The following PDZD2 variants were observed in gnomAD, a reference collection of about 807,000 sequenced individuals.
PDZD2 encodes the protein PDZ domain-containing protein 2.
Under a neutral mutation model 220.7 loss-of-function variants are expected in PDZD2, and 90 were observed. The ratio of observed to expected loss-of-function variants is 0.41; its 90% CI spans 0.34 to 0.49. PDZD2 has a LOEUF of 0.49. Among genes scored for constraint, PDZD2 ranks in the 20% least tolerant of loss-of-function variants. PDZD2 has a pLI of 0.28. For synonymous variants in PDZD2, 1,375 were observed against 1,450.5 expected, an observed-to-expected ratio of 0.95 and a Z score of 1.18; for missense variants, 3,174 against 3,608.5, an observed-to-expected ratio of 0.88 and a Z score of 3.08.
At position 32,000,497 on chromosome 5, in the gene PDZD2, T is replaced by A. The variant is rs149983361; in HGVS notation, c.1254+226T>A. On this transcript the variant is annotated intron_variant, in intron 5 of 24. Coordinates refer to ENST00000438447, the MANE Select transcript of PDZD2 (RefSeq NM_178140.4). This position sits in a 1 kb window ranked among gnomAD's most constrained non-coding sequence, Gnocchi z 4.5. The stretch of plus-strand genomic sequence containing the variant: ...TTAAGAAGTTTGTTTTTGTTTTTGT[T>A]TTTGTTTTTGTTTTTGTTTTTGTTT... Among the ~76,000 whole-genome samples the A allele has an allele frequency of 8.9e-6, 1 of 112,208 alleles. No individual in the cohort carries two copies. 73.6% of individuals were successfully genotyped at this position (112,208 alleles called of 152,430 possible).
chr5:31,716,556 A>G (rs1296426710), intron 1 of PDZD2, among the ~76,000 whole-genome samples: 1 of 152,186 alleles, frequency 6.6e-6, no homozygotes, highest in African/African-American at 2.4e-5. Flanking sequence ...TAATGCCAGC[A>G]CTTTGGGAGG....
chr5:32,074,336 A>G lies in PDZD2; in HGVS notation c.3230A>G (p.Glu1077Gly), dbSNP rs1218511660. Residue 1077 changes from glutamate (E) to glycine (G), a missense_variant, in exon 18 of 25, where the codon GAA (glutamate) becomes GGA (glycine). Physicochemically the swap from Glu to Gly is moderately conservative, Grantham distance 98 (BLOSUM62 -2). Transcript: ENST00000438447. ...KGSPGSWWKK[E>G]LSGSSSAPKL... ...AGCCCTGGAAGCTGGTGGAAGAAGG[A>G]ACTGTCAGGATCAAGTAGCGCACCC... 1.9e-6 allele frequency: 3 copies of G among 1,614,072 alleles called. No individual in the cohort carries two copies. Among genetic ancestry groups the G allele is most frequent in the Non-Finnish European group, 2.5e-6 (3 of 1,180,046 alleles).
At chr5:31,803,192 G>A (rs565244933) in intron 2 of PDZD2, among the ~76,000 whole-genome samples, 19 of 151,212 alleles carry the variant, frequency 1.3e-4, no homozygotes, top group African/African-American at 4.1e-4. Context: ...TGAACTCCTG[G>A]GCTCAAAGGA....
intron 1 of PDZD2, among the ~76,000 whole-genome samples, chr5:31,644,788 T>C (rs1030620347): frequency 3.9e-5 from 6 of 152,230 alleles, no homozygotes; most frequent in African/African-American, 1.2e-4. Context: ...CTTAAGATTC[T>C]CAACTCTCTT....
chr5:31,673,475 G>A (rs1746291504), intron 1 of PDZD2, among the ~76,000 whole-genome samples: 1 of 152,200 alleles, frequency 6.6e-6, no homozygotes. Flanking sequence ...AAGGGTGTGT[G>A]TGCATGAGGT....
chr5:32,094,343 T>A (rs1437132183), intron 21 of PDZD2, among the ~76,000 whole-genome samples: 1 of 152,168 alleles, frequency 6.6e-6, no homozygotes, highest in African/African-American at 2.4e-5. Flanking sequence ...TACGTAGAGA[T>A]TTGAACCCTA....
chr5:31,779,493 C>T (rs1752933077), intron 1 of PDZD2, among the ~76,000 whole-genome samples: 1 of 150,628 alleles, frequency 6.6e-6, no homozygotes, highest in South Asian at 2.1e-4. Context: ...CCTGCCTCAG[C>T]CTCCCGAGTA....
At chr5:31,733,857 A>G (rs1749681919) in intron 1 of PDZD2, among the ~76,000 whole-genome samples, 2 of 152,374 alleles carry the variant, frequency 1.3e-5, no homozygotes, top group South Asian at 4.1e-4. Context: ...GGATTTCTTC[A>G]TACACATGAA....
chr5:31,701,257 C>T (rs796278045), intron 1 of PDZD2, among the ~76,000 whole-genome samples: 6 of 152,214 alleles, frequency 3.9e-5, no homozygotes, highest in African/African-American at 1.4e-4. Context: ...GGTGCAGTAG[C>T]GCAGTCTCAG....
chr5:32,013,847 G>T, intron 6 of PDZD2, among the ~76,000 whole-genome samples: 1 of 152,084 alleles, frequency 6.6e-6, no homozygotes, highest in East Asian at 1.9e-4. Flanking sequence ...CGGGCTTCAT[G>T]CCTGGCCATC....
intron 2 of PDZD2, among the ~76,000 whole-genome samples, chr5:31,864,593 C>CTG (rs1738020647): frequency 6.6e-6 from 1 of 151,794 alleles, no homozygotes; most frequent in Admixed American, 6.6e-5. Context: ...AATCTCAGCT[C>CTG]ACTGCAACCT....
At chr5:31,741,095 A>G (rs1333360069) in intron 1 of PDZD2, among the ~76,000 whole-genome samples, 1 of 152,186 alleles carries the variant, frequency 6.6e-6, no homozygotes, top group African/African-American at 2.4e-5. Context: ...AAATCCATGC[A>G]TAATTTTTAA....
chr5:31,983,058 TG>T, intron 2 of PDZD2, 96 bp from the exon 3 acceptor site: 1 of 1,292,538 alleles, frequency 7.7e-7, no homozygotes, highest in Non-Finnish European at 1.1e-6. Flanking sequence ...ATCGGCCAAC[TG>T]GTCGTCACTT....
At chr5:31,870,686 G>C (rs1262292659) in intron 2 of PDZD2, among the ~76,000 whole-genome samples, 2 of 151,982 alleles carry the variant, frequency 1.3e-5, no homozygotes, top group African/African-American at 2.4e-5. Context: ...TCAGGAGTTC[G>C]AGACCAGCCT....
chr5:31,679,072 G>A (rs891525139), intron 1 of PDZD2, among the ~76,000 whole-genome samples: 56 of 152,178 alleles, frequency 3.7e-4, no homozygotes, highest in Admixed American at 1.9e-3. Context: ...GGCGGTATGG[G>A]CAGGATAGTG....
chr5:32,018,617 C>T (rs1014943843), intron 6 of PDZD2, among the ~76,000 whole-genome samples: 9 of 152,250 alleles, frequency 5.9e-5, no homozygotes, highest in South Asian at 2.1e-4. Context: ...GGCACCAACC[C>T]GCAGCAGGCG....
At chr5:31,683,300 A>T (rs759935701) in intron 1 of PDZD2, among the ~76,000 whole-genome samples, 1 of 152,102 alleles carries the variant, frequency 6.6e-6, no homozygotes, top group Non-Finnish European at 1.5e-5. Context: ...ATTTGTCCAC[A>T]GTCTTAGTGG....
Position 31,767,283 on chromosome 5 carries a change from C to T in PDZD2, c.-360-31606C>T, listed in dbSNP as rs1438856025. Among the ~76,000 whole-genome samples the T allele has an allele frequency of 3.3e-5, 5 of 151,982 alleles. No individual in the cohort carries two copies. In the East Asian group the frequency reaches 9.7e-4, roughly 30 times the overall value. On this transcript the variant is annotated intron_variant, in intron 1 of 24. Transcript: ENST00000438447. ...CTGAACTCAAGTGATCCACCCACCT[C>T]GGCCTCCCAAAGTGCTGGGATTACA...
chr5:31,939,988 TG>T (rs1438175666), intron 2 of PDZD2, among the ~76,000 whole-genome samples: 1 of 152,268 alleles, frequency 6.6e-6, no homozygotes, highest in East Asian at 1.9e-4. Flanking sequence ...AATAATTTCG[TG>T]GCTCAGTGGC....
Sources: allele counts gnomAD v4.1 joint callset (sites outside exome capture counted in the v4.1 genomes callset), GRCh38; gene constraint gnomAD v4.1.1; non-coding constraint Gnocchi (gnomAD v3.1); transcripts MANE v1.5; gene names NCBI Gene and HGNC (gene_info 2026-07-23, HGNC 2026-07-21).